The following SCARA3 variants were observed in gnomAD, a reference collection of about 807,000 sequenced individuals.
The protein encoded by SCARA3 is cellular stress response gene protein.
A neutral mutation model predicts 47.0 loss-of-function variants in SCARA3; 39 were observed. The observed-to-expected ratio is 0.83, with a 90% CI of 0.64 to 1.08. The LOEUF (loss-of-function observed/expected upper bound fraction) is 1.08. Among genes scored for constraint, SCARA3 ranks in the 50% least tolerant of loss-of-function variants. SCARA3 has a pLI of 0.00. For missense variants in SCARA3, 724 were observed against 792.3 expected (o/e 0.91, Z 1.04); for synonymous variants, 356 against 334.1 (o/e 1.07, Z -0.71).
At chr8:27,667,855 C>T (rs545831605) in intron 5 of SCARA3, among the ~76,000 whole-genome samples, 17 of 152,286 alleles carry the variant, frequency 1.1e-4, no homozygotes, top group Admixed American at 2.0e-4. Context: ...TGTCAGTAGC[C>T]CACGCGGAGA....
At chr8:27,699,382 C>T in the SCARA3 span, among the ~76,000 whole-genome samples, 1 of 151,434 alleles carries the variant, frequency 6.6e-6, no homozygotes, top group Non-Finnish European at 1.5e-5. Flanking sequence ...CTCTGTCACC[C>T]AGGCTGGAGT....
the SCARA3 span, among the ~76,000 whole-genome samples, chr8:27,685,156 TA>T: frequency 6.6e-6 from 1 of 152,074 alleles, no homozygotes; most frequent in African/African-American, 2.4e-5. Context: ...AAGGTGACAT[TA>T]AAAGGAAATA....
chr8:27,668,465 G>A (rs36125274), intron 5 of SCARA3, among the ~76,000 whole-genome samples: 5 of 147,986 alleles, frequency 3.4e-5, no homozygotes, highest in Non-Finnish European at 5.9e-5. Flanking sequence ...GCGTGAACCC[G>A]GGAAGCGGAG....
upstream of SCARA3, among the ~76,000 whole-genome samples, chr8:27,633,662 C>A (rs1175126535): frequency 6.6e-6 from 1 of 152,094 alleles, no homozygotes; most frequent in Non-Finnish European, 1.5e-5. Flanking sequence ...GGGTTCGAGG[C>A]TGGGCTGTGG....
At chr8:27,681,186 AAAG>A (rs1206585212), downstream of SCARA3, among the ~76,000 whole-genome samples, 2 of 152,178 alleles carry the variant, frequency 1.3e-5, no homozygotes, top group Non-Finnish European at 2.9e-5. Flanking sequence ...AAAAAATGGA[AAAG>A]AAGAAGTAAA....
At chr8:27,692,852 T>A in the SCARA3 span, among the ~76,000 whole-genome samples, 5 of 152,098 alleles carry the variant, frequency 3.3e-5, no homozygotes, top group Admixed American at 1.3e-4. Context: ...AGGCCGGGTA[T>A]GGTGGCTCAT....
the SCARA3 span, among the ~76,000 whole-genome samples, chr8:27,686,221 C>T: frequency 2.0e-5 from 3 of 151,900 alleles, no homozygotes; most frequent in Admixed American, 1.3e-4. Context: ...TGGGAGGATT[C>T]CTTGACCCCA....
chr8:27,636,989 C>T (rs1801266972), intron 1 of SCARA3, among the ~76,000 whole-genome samples: 1 of 152,250 alleles, frequency 6.6e-6, no homozygotes, highest in African/African-American at 2.4e-5. Context: ...TCCCGTGCTC[C>T]TCCAGAGGCC....
the SCARA3 span, chr8:27,697,145 G>C: frequency 1.1e-5 from 2 of 188,128 alleles, no homozygotes; most frequent in Non-Finnish European, 2.3e-5. Flanking sequence ...GTCTGTAAAA[G>C]GCATCCTTTC....
chr8:27,664,458 T>G lies in SCARA3; in HGVS notation c.1369+4919T>G, dbSNP rs372299783. On this transcript the variant is annotated intron_variant, in intron 5 of 5. Transcript: ENST00000301904. ...GGAGTTTAAAGGAATAAGCACAGGG[T>G]CACTCTGATTTAAAATCCTGACCCC... Among the ~76,000 whole-genome samples, 8 of 152,234 alleles carry G rather than the reference T, an allele frequency of 5.3e-5. No individual in the cohort carries two copies. The South Asian group carries it at 1.7e-3, about 32-fold the overall frequency.
At chr8:27,685,919 C>T in the SCARA3 span, among the ~76,000 whole-genome samples, 1 of 152,022 alleles carries the variant, frequency 6.6e-6, no homozygotes, top group East Asian at 1.9e-4. Flanking sequence ...CAAATAAACA[C>T]ATGAGGTGGG....
chr8:27,639,434 G>T (rs921263063), intron 1 of SCARA3, among the ~76,000 whole-genome samples: 3 of 152,186 alleles, frequency 2.0e-5, no homozygotes, highest in Admixed American at 6.5e-5. Context: ...GCTGAAGGGT[G>T]GGGAGGAGTT....
At chr8:27,634,325 G>A in intron 1 of SCARA3, 118 bp downstream of exon 1, 13 of 910,968 alleles carry the variant, frequency 1.4e-5, no homozygotes, top group Non-Finnish European at 1.7e-5. Flanking sequence ...GGCGCCTCTG[G>A]CTTTTCCCCT....
downstream of SCARA3, chr8:27,679,973 T>C (rs1242118203): frequency 1.3e-5 from 2 of 151,932 alleles, no homozygotes; most frequent in East Asian, 3.9e-4. Context: ...TAAAAACCTC[T>C]AAATAACCAT....
chr8:27,643,546 C>A (rs1479991420), intron 1 of SCARA3, among the ~76,000 whole-genome samples: 1 of 152,182 alleles, frequency 6.6e-6, no homozygotes, highest in Non-Finnish European at 1.5e-5. Flanking sequence ...ACAAAGGAAG[C>A]CTGTGGAGAG....
chr8:27,668,106 A>G (rs1802057806), intron 5 of SCARA3, among the ~76,000 whole-genome samples: 1 of 152,150 alleles, frequency 6.6e-6, no homozygotes, highest in African/African-American at 2.4e-5. Flanking sequence ...CTGCATAAAC[A>G]TCCACCAGGA....
chr8:27,671,595 C>T lies in SCARA3; in HGVS notation c.*244C>T, dbSNP rs192397279. The T allele has an allele frequency of 2.3e-3, 2,909 of 1,243,628 alleles. 4 individuals carry two copies. The highest frequency in any genetic ancestry group is 2.8e-3 in the Non-Finnish European group (2,809 of 996,394). 77.0% of individuals were successfully genotyped at this position (1,243,628 alleles called of 1,614,324 possible). Reference sequence around the variant, plus strand: ...GCACACACATGCACACATACACGCACATGCACACATACACATGCATGCACA... The same window carrying T: ...GCACACACATGCACACATACACGCATATGCACACATACACATGCATGCACA... On this transcript the variant is annotated 3_prime_UTR_variant, in exon 6 of 6. Transcript: ENST00000301904.
At chr8:27,668,617 T>C (rs1256552072) in intron 5 of SCARA3, among the ~76,000 whole-genome samples, 1 of 151,602 alleles carries the variant, frequency 6.6e-6, no homozygotes, top group Non-Finnish European at 1.5e-5. Context: ...CCCAAAACTT[T>C]GGGAGGCCAA....
the SCARA3 span, among the ~76,000 whole-genome samples, chr8:27,695,796 A>C: frequency 6.6e-6 from 1 of 152,266 alleles, no homozygotes; most frequent in South Asian, 2.1e-4. Flanking sequence ...AAAGTCATAA[A>C]CTTAAAGACA....
Sources: allele counts gnomAD v4.1 joint callset (sites outside exome capture counted in the v4.1 genomes callset), GRCh38; gene constraint gnomAD v4.1.1; transcripts MANE v1.5; gene names NCBI Gene and HGNC (gene_info 2026-07-23, HGNC 2026-07-21).